ANXA9: variants seen among roughly 807,000 people sequenced by gnomAD.
The protein encoded by ANXA9 is annexin 31.
A neutral mutation model predicts 51.8 loss-of-function variants in ANXA9; 47 were observed. The ratio of observed to expected loss-of-function variants is 0.91; its 90% CI spans 0.72 to 1.16. The LOEUF (loss-of-function observed/expected upper bound fraction) is 1.16, where lower values mean the gene tolerates loss of function less well. Among genes scored for constraint, ANXA9 ranks in the 50% most tolerant of loss-of-function variants. The probability of loss-of-function intolerance (pLI) is 0.00; values close to 1 mark genes in which losing one functional copy is unlikely to be tolerated. For synonymous variants in ANXA9, 154 were observed against 168.7 expected (o/e 0.91, Z 0.68); for missense variants, 361 against 424.7 (o/e 0.85, Z 1.32).
chr1:150,990,730 C>T (rs932185890), intron 12 of ANXA9, among the ~76,000 whole-genome samples: 1 of 152,172 alleles, frequency 6.6e-6, no homozygotes, highest in Non-Finnish European at 1.5e-5. Context: ...CGCCTGTAAT[C>T]TCAGCTACTT....
In ANXA9 at chr1:150,982,530, G is replaced by C. The variant is rs587764838; in HGVS notation, c.-70G>C. 1 of 152,976 alleles carries C rather than the reference G, an allele frequency of 6.5e-6. No individual in the cohort carries two copies. Among genetic ancestry groups the C allele is most frequent in the African/African-American group, 2.4e-5 (1 of 41,600 alleles). The allele number at this position is 152,976 out of a possible 1,614,324, so 9.5% of individuals were successfully genotyped here. Reference sequence around the variant, plus strand: ...GAACTCTTGCTCACATCAGCTAAGAGATTGCACCTGCTGACCTAGAGATTC... The same window carrying C: ...GAACTCTTGCTCACATCAGCTAAGACATTGCACCTGCTGACCTAGAGATTC... On this transcript the variant is annotated 5_prime_UTR_variant, in exon 2 of 14. Transcript: ENST00000368947.
upstream of ANXA9, among the ~76,000 whole-genome samples, chr1:150,978,376 G>A (rs1453424831): frequency 6.6e-6 from 1 of 152,120 alleles, no homozygotes; most frequent in Non-Finnish European, 1.5e-5. Flanking sequence ...GTTACAGTGA[G>A]CTGAGATCAC....
At chr1:150,985,647 C>T (rs587691743) in intron 7 of ANXA9, among the ~76,000 whole-genome samples, 85 of 152,226 alleles carry the variant, frequency 5.6e-4, no homozygotes, top group Non-Finnish European at 1.0e-3. Context: ...CTCACTGCAG[C>T]CTTGACCCTT....
chr1:150,989,263 G>A (rs191516355), intron 12 of ANXA9, among the ~76,000 whole-genome samples: 2 of 152,108 alleles, frequency 1.3e-5, no homozygotes, highest in Admixed American at 1.3e-4. Flanking sequence ...ACAGGCGTGA[G>A]CCACTGCGCC....
chr1:150,994,154 G>A (rs1166895848), intron 12 of ANXA9, among the ~76,000 whole-genome samples: 1 of 152,120 alleles, frequency 6.6e-6, no homozygotes, highest in African/African-American at 2.4e-5. Context: ...TTAGGGATAG[G>A]GCAGGTATAT....
chr1:150,980,726 T>C (rs1671401945), upstream of ANXA9, among the ~76,000 whole-genome samples: 1 of 151,356 alleles, frequency 6.6e-6, no homozygotes, highest in African/African-American at 2.4e-5. Flanking sequence ...ATTACAGGCA[T>C]GCGCCGCCAT....
chr1:150,988,237 T>C (rs374576176), intron 11 of ANXA9, 46 bp from the exon 12 acceptor site: 22 of 1,614,040 alleles, frequency 1.4e-5, no homozygotes, highest in Admixed American at 1.7e-5. Flanking sequence ...GGATGGGAGA[T>C]TGTGGTCCTA....
chr1:150,986,446 TCACGTTCACCAGG>T (rs1558039359), intron 8 of ANXA9, 31 bp downstream of exon 8: 1 of 1,608,770 alleles, frequency 6.2e-7, no homozygotes, highest in Non-Finnish European at 8.5e-7. Flanking sequence ...AGGAAGGGAG[TCACGTTCACCAGG>T]CAAGGAGACA....
intron 12 of ANXA9, among the ~76,000 whole-genome samples, chr1:150,989,317 T>A (rs1464494559): frequency 6.6e-6 from 1 of 151,860 alleles, no homozygotes; most frequent in East Asian, 1.9e-4. Flanking sequence ...GTGGCTTGAG[T>A]GCTTCCACCA....
intron 4 of ANXA9, 117 bp from the exon 5 acceptor site, chr1:150,983,858 T>C (rs1671482388): frequency 3.2e-6 from 3 of 932,188 alleles, no homozygotes; most frequent in Admixed American, 2.8e-5. Context: ...GGGGGTGATA[T>C]AGCCCCTGCT....
chr1:150,987,748 T>A, intron 9 of ANXA9, 124 bp from the exon 10 acceptor site: 1 of 772,626 alleles, frequency 1.3e-6, no homozygotes, highest in Non-Finnish European at 2.1e-6. Context: ...AAAAAAATCC[T>A]TTTCCACCCT....
At chr1:150,983,567 C>T in intron 4 of ANXA9, 133 bp downstream of exon 4, 1 of 866,180 alleles carries the variant, frequency 1.2e-6, no homozygotes, top group Non-Finnish European at 1.8e-6. Flanking sequence ...ATGTCAGGCG[C>T]CACAGTAGGT....
chr1:150,981,964 A>T (rs1671423265), upstream of ANXA9: 1 of 152,206 alleles, frequency 6.6e-6, no homozygotes, highest in Non-Finnish European at 1.5e-5. Flanking sequence ...GAGCCAGGTC[A>T]GAAGCTGGGG....
chr1:150,994,713 A>G lies in ANXA9; in HGVS notation c.975+14A>G, dbSNP rs1671791275. ...TCTTCTCTCCAGGTGAAACTTGGCT[A>G]CTTCTTAGCCTGGAGCCTCAGGCCT... On this transcript the variant is annotated intron_variant, in intron 13 of 13. Coordinates refer to ENST00000368947, the MANE Select transcript of ANXA9 (RefSeq NM_003568.3). The G allele has an allele frequency of 1.2e-6, 2 of 1,613,488 alleles. No individual in the cohort carries two copies. Among genetic ancestry groups the G allele is most frequent in the Non-Finnish European group, 1.7e-6 (2 of 1,179,564 alleles).
At chr1:150,986,523 G>C in intron 8 of ANXA9, 79 bp from the exon 9 acceptor site, 2 of 1,575,978 alleles carry the variant, frequency 1.3e-6, no homozygotes, top group South Asian at 2.2e-5. Flanking sequence ...GGCTTTAGGG[G>C]AGACCAGCCT....
chr1:150,986,852 A>G (rs928299220), intron 9 of ANXA9, among the ~76,000 whole-genome samples, 191 bp downstream of exon 9: 1 of 152,056 alleles, frequency 6.6e-6, no homozygotes. Context: ...CTTTTCACTC[A>G]TCTAGCCTCT....
upstream of ANXA9, among the ~76,000 whole-genome samples, chr1:150,977,425 C>T (rs1245611136): frequency 1.3e-5 from 2 of 152,220 alleles, no homozygotes; most frequent in Non-Finnish European, 2.9e-5. Context: ...GGACCGGAGA[C>T]TGTGATCACC....
chr1:150,994,751 T>G (rs773288544), intron 13 of ANXA9, 52 bp downstream of exon 13: 74 of 1,604,626 alleles, frequency 4.6e-5, no homozygotes, highest in East Asian at 3.6e-4. Flanking sequence ...ACTCCTCACC[T>G]CCACCCTCAC....
Position 150,994,558 on chromosome 1 carries a change from C to G in ANXA9, c.853-19C>G. 1 of 1,613,432 alleles carries G rather than the reference C, an allele frequency of 6.2e-7. No individual in the cohort carries two copies. Among genetic ancestry groups the G allele is most frequent in the South Asian group, 1.1e-5 (1 of 91,044 alleles). ...GAGACTCTCACTAACTACCCCCCATCTCTTTCTTCCCCTACTAGGAAACTG... is the reference window on the plus strand; with the variant it reads ...GAGACTCTCACTAACTACCCCCCATGTCTTTCTTCCCCTACTAGGAAACTG... On this transcript the variant is annotated intron_variant, in intron 12 of 13. Coordinates refer to ENST00000368947, the MANE Select transcript of ANXA9 (RefSeq NM_003568.3).
Sources: allele counts gnomAD v4.1 joint callset (sites outside exome capture counted in the v4.1 genomes callset), GRCh38; gene constraint gnomAD v4.1.1; transcripts MANE v1.5; gene names NCBI Gene and HGNC (gene_info 2026-07-23, HGNC 2026-07-21).